FOXJ3: variants seen among roughly 807,000 people sequenced by gnomAD.
FOXJ3 encodes forkhead box protein J3.
FOXJ3 carries 22 observed loss-of-function variants against 76.1 expected under a neutral mutation model. The observed-to-expected ratio is 0.29, with a 90% CI of 0.21 to 0.41. The LOEUF is 0.41. Among genes scored for constraint, FOXJ3 ranks in the 10% least tolerant of loss-of-function variants. FOXJ3 has a pLI of 1.00. For missense variants in FOXJ3, 613 were observed against 762.1 expected (o/e 0.80, Z 2.30); for synonymous variants, 269 against 261.2 (o/e 1.03, Z -0.29).
chr1:42,310,895 A>G (rs151074333), intron 2 of FOXJ3, among the ~76,000 whole-genome samples, 155 bp downstream of exon 2: 2 of 152,358 alleles, frequency 1.3e-5, no homozygotes, highest in Middle Eastern at 3.4e-3. Flanking sequence ...GTAAGCAGAA[A>G]TATCATTCCA....
At chr1:42,243,748 C>A (rs949628925) in intron 4 of FOXJ3, among the ~76,000 whole-genome samples, 2 of 152,148 alleles carry the variant, frequency 1.3e-5, no homozygotes, top group Admixed American at 6.5e-5. Flanking sequence ...GCATCCAACA[C>A]TGGAGCAACC....
rs144753477 is a variant in FOXJ3 at position 42,322,205 on chromosome 1, T to C, written c.-17-11095A>G. Among the ~76,000 whole-genome samples the C allele has an allele frequency of 9.8e-3, 1,484 of 152,152 alleles. 32 individuals carry two copies. The highest frequency in any genetic ancestry group is 0.035 in the African/African-American group (1,433 of 41,508). The stretch of plus-strand genomic sequence containing the variant: ...TCAGTTAAAGGAGATTTAAGAAATA[T>C]AACAACCAAATGCAGTCTATATACC... On this transcript the variant is annotated intron_variant, in intron 1 of 12. Coordinates refer to ENST00000361346, the MANE Select transcript of FOXJ3 (RefSeq NM_014947.5).
chr1:42,305,424 A>G (rs561692905), intron 2 of FOXJ3, among the ~76,000 whole-genome samples: 55 of 152,362 alleles, frequency 3.6e-4, no homozygotes, highest in Non-Finnish European at 2.9e-4. Flanking sequence ...AAGGCAAATC[A>G]GTATATTAAA....
At chr1:42,260,041 T>C (rs1650913034) in intron 4 of FOXJ3, among the ~76,000 whole-genome samples, 2 of 152,218 alleles carry the variant, frequency 1.3e-5, no homozygotes, top group African/African-American at 4.8e-5. Flanking sequence ...TCAGTCCTAC[T>C]TCCTGTTTAG....
chr1:42,229,179 C>T (rs1448199886), intron 4 of FOXJ3, among the ~76,000 whole-genome samples: 6 of 152,110 alleles, frequency 3.9e-5, no homozygotes, highest in Non-Finnish European at 5.9e-5. Flanking sequence ...CTTTTCTGAC[C>T]GTCCTGCCAT....
chr1:42,281,623 T>G (rs911782004), intron 2 of FOXJ3, among the ~76,000 whole-genome samples: 11 of 152,334 alleles, frequency 7.2e-5, no homozygotes, highest in Admixed American at 2.6e-4. Flanking sequence ...TTCTTAAATT[T>G]TATATACAGC....
At chr1:42,252,515 TTTTC>T (rs1217421353) in intron 4 of FOXJ3, among the ~76,000 whole-genome samples, 3 of 152,134 alleles carry the variant, frequency 2.0e-5, no homozygotes, top group Non-Finnish European at 2.9e-5. Context: ...TTCTCTCTTT[TTTTC>T]TTTATTTGTC....
intron 2 of FOXJ3, among the ~76,000 whole-genome samples, chr1:42,281,779 G>A (rs1375355370): frequency 6.6e-6 from 1 of 152,116 alleles, no homozygotes; most frequent in East Asian, 1.9e-4. Context: ...ACTCATTAGG[G>A]CGGGTGCGGT....
chr1:42,212,880 C>T (rs1207861231), intron 5 of FOXJ3, among the ~76,000 whole-genome samples: 1 of 149,004 alleles, frequency 6.7e-6, no homozygotes, highest in African/African-American at 2.5e-5. Flanking sequence ...TCAGCAGAAA[C>T]CTTACAAGCC....
chr1:42,300,078 T>C (rs1050089091), intron 2 of FOXJ3, among the ~76,000 whole-genome samples: 1 of 151,900 alleles, frequency 6.6e-6, no homozygotes, highest in Non-Finnish European at 1.5e-5. Flanking sequence ...CACACACCTG[T>C]AGTCCCAGCC....
At chr1:42,333,532 A>G (rs1656281402) in intron 1 of FOXJ3, among the ~76,000 whole-genome samples, 1 of 152,190 alleles carries the variant, frequency 6.6e-6, no homozygotes, top group Admixed American at 6.5e-5. Context: ...TATTTATCTA[A>G]GAAACTAAAA....
intron 1 of FOXJ3, among the ~76,000 whole-genome samples, chr1:42,325,454 A>G (rs1241134301): frequency 2.0e-5 from 3 of 152,190 alleles, no homozygotes; most frequent in Non-Finnish European, 2.9e-5. Context: ...CTCCCAAACT[A>G]AAAGCTGTAG....
chr1:42,269,751 C>A (rs539465171), intron 3 of FOXJ3, among the ~76,000 whole-genome samples: 1 of 152,268 alleles, frequency 6.6e-6, no homozygotes, highest in East Asian at 1.9e-4. Context: ...ATCCTTAACT[C>A]CTGTCTCTTC....
chr1:42,190,443 G>T (rs963214657), intron 9 of FOXJ3, among the ~76,000 whole-genome samples: 2 of 152,184 alleles, frequency 1.3e-5, no homozygotes, highest in South Asian at 2.1e-4. Flanking sequence ...CGTAACTTAG[G>T]AAGAAATTTG....
chr1:42,265,229 C>CA, intron 3 of FOXJ3, 40 bp from the exon 4 acceptor site: 2 of 1,093,424 alleles, frequency 1.8e-6, no homozygotes, highest in African/African-American at 1.6e-5. Context: ...CAATAAAATC[C>CA]AAAAAACATA....
At chr1:42,300,138 T>G (rs1324618913) in intron 2 of FOXJ3, among the ~76,000 whole-genome samples, 1 of 151,850 alleles carries the variant, frequency 6.6e-6, no homozygotes, top group Non-Finnish European at 1.5e-5. Context: ...AGGCAGAGGC[T>G]GCAGTGAGCC....
At chr1:42,286,474 T>C (rs1321948456) in intron 2 of FOXJ3, among the ~76,000 whole-genome samples, 1 of 152,212 alleles carries the variant, frequency 6.6e-6, no homozygotes, top group African/African-American at 2.4e-5. Flanking sequence ...TTTCCTCATC[T>C]GTAAAATGAG....
At chr1:42,230,767 C>T (rs976419684) in intron 4 of FOXJ3, among the ~76,000 whole-genome samples, 12 of 134,494 alleles carry the variant, frequency 8.9e-5, no homozygotes, top group South Asian at 5.2e-4. Flanking sequence ...AAATGTGTGA[C>T]GGTGTAACCA....
rs1368860927 is a variant in FOXJ3 at position 42,188,916 on chromosome 1, C to G, written c.1466G>C (p.Ser489Thr). The G allele has an allele frequency of 1.9e-6, 3 of 1,603,084 alleles. No individual in the cohort carries two copies. Among genetic ancestry groups the G allele is most frequent in the Admixed American group, 1.7e-5 (1 of 58,974 alleles). ...DLSQFQGLME[S>T]MRQADLKNWS... The stretch of plus-strand genomic sequence containing the variant: ...GTTCTTGAGATCTGCCTGTCTCATA[C>G]TCTCCATCAGACCTATGAGGAAAGC... Residue 489 changes from serine (S) to threonine (T), a missense_variant, in exon 11 of 13, where the codon AGT (serine) becomes ACT (threonine). This residue lies in a region of FOXJ3 where 526 missense variants were observed against 601.4 expected (regional missense o/e 0.87). Transcript: ENST00000361346.
Sources: gnomAD v4.1 joint callset for allele counts (sites outside exome capture counted in the v4.1 genomes callset) on GRCh38, gnomAD v4.1.1 for gene constraint, gnomAD v4.1.1 regional missense constraint, MANE v1.5 for transcripts, NCBI Gene and HGNC (gene_info 2026-07-23, HGNC 2026-07-21) for gene names.